The following MAPK7 variants were observed in gnomAD, a reference collection of about 807,000 sequenced individuals.
MAPK7 encodes BMK-1.
MAPK7 carries 30 observed loss-of-function variants against 56.9 expected under a neutral mutation model. The ratio of observed to expected loss-of-function variants is 0.53; its 90% CI spans 0.39 to 0.72. MAPK7 has a LOEUF of 0.72. Ranked by LOEUF, MAPK7 falls within the 30% of genes least tolerant of loss-of-function variation. The pLI is 0.00. For synonymous variants in MAPK7, 516 were observed against 449.3 expected (o/e 1.15, Z -1.88); for missense variants, 952 against 1,110.8 (o/e 0.86, Z 2.03).
upstream of MAPK7, chr17:19,378,408 A>T: frequency 1.0e-6 from 1 of 994,250 alleles, no homozygotes; most frequent in Non-Finnish European, 1.2e-6. This position sits in a 1 kb window ranked among gnomAD's most constrained non-coding sequence, Gnocchi z 5.4. Flanking sequence ...AGTAGGTAGA[A>T]GGGGCAGGAC....
upstream of MAPK7, chr17:19,377,776 G>A (rs1912219745): frequency 3.1e-6 from 3 of 958,678 alleles, no homozygotes; most frequent in Non-Finnish European, 3.7e-6. Context: ...GAGGAGCAGA[G>A]GTTGGGCGGC....
upstream of MAPK7, chr17:19,377,975 G>A: frequency 1.0e-6 from 1 of 985,436 alleles, no homozygotes; most frequent in African/African-American, 1.7e-5. Flanking sequence ...GGAGGACCGG[G>A]ATCTCTGTGG....
At chr17:19,378,249 T>C (rs1912268236), upstream of MAPK7, 1 of 985,758 alleles carries the variant, frequency 1.0e-6, no homozygotes, top group Middle Eastern at 5.2e-4. This position sits in a 1 kb window ranked among gnomAD's most constrained non-coding sequence, Gnocchi z 5.4. Context: ...GGCGCCCGAC[T>C]GCCAGTGCGC....
At chr17:19,378,185 G>C (rs939243953), upstream of MAPK7, 72 of 983,810 alleles carry the variant, frequency 7.3e-5, no homozygotes, top group African/African-American at 1.2e-3. This position sits in a 1 kb window ranked among gnomAD's most constrained non-coding sequence, Gnocchi z 5.4. Context: ...ATGAGGTTGA[G>C]AGCTTCATGG....
At position 19,382,410 on chromosome 17, in the gene MAPK7, T is replaced by G; in HGVS notation, c.2107T>G (p.Ser703Ala). The change falls in exon 5 of 7, where the codon TCC becomes GCC. Residue 703 changes from serine (S) to alanine (A), a missense_variant. Ser to Ala is a moderately conservative substitution (Grantham distance 99). This residue lies in a region of MAPK7 where 234 missense variants were observed against 210.4 expected (regional missense o/e 1.11). Coordinates refer to ENST00000395604, the MANE Select transcript of MAPK7 (RefSeq NM_002749.4). Reference sequence around the variant, plus strand: ...AGACGCCGGGGGAGCCCCTCAGTCTTCCATGTCAGAGTCACCTGATGTCAA... The same window carrying G: ...AGACGCCGGGGGAGCCCCTCAGTCTGCCATGTCAGAGTCACCTGATGTCAA... ...PPDAGGAPQS[S>A]MSESPDVNLV... The G allele has an allele frequency of 6.2e-7, 1 of 1,612,180 alleles. No homozygotes were observed.
chr17:19,383,399 C>A lies in MAPK7; in HGVS notation c.*168C>A. 1 of 610,332 alleles carries A rather than the reference C, an allele frequency of 1.6e-6. No homozygotes were observed. The highest frequency in any genetic ancestry group is 2.7e-6 in the Non-Finnish European group (1 of 364,276). The allele number at this position is 610,332 out of a possible 1,614,324, so 37.8% of individuals were successfully genotyped here. ...CTTAAGCAGCCACCTGAGCCACCAC[C>A]GAGCCATGGCAGGATCGGGAGACCC... On this transcript the variant is annotated 3_prime_UTR_variant, in exon 7 of 7. Coordinates refer to ENST00000395604, the MANE Select transcript of MAPK7 (RefSeq NM_002749.4).
At position 19,383,352 on chromosome 17, in the gene MAPK7, C is replaced by T. The variant is rs564216717; in HGVS notation, c.*121C>T. The T allele has an allele frequency of 1.8e-6, 2 of 1,110,614 alleles. No homozygotes were observed. Among genetic ancestry groups the T allele is most frequent in the African/African-American group, 3.1e-5 (2 of 64,060 alleles). 68.8% of individuals were successfully genotyped at this position (1,110,614 alleles called of 1,614,324 possible). ...CTCGGCTTGGATTATTCTGCAGGTT[C>T]ATCTCAGACCCACCTTTCAGCCTTA... On this transcript the variant is annotated 3_prime_UTR_variant, in exon 7 of 7. Transcript: ENST00000395604.
chr17:19,379,615 A>T (rs1414062534), intron 2 of MAPK7, 167 bp from the exon 3 acceptor site: 3 of 628,320 alleles, frequency 4.8e-6, no homozygotes, highest in South Asian at 3.9e-5. Context: ...GGTAACATTT[A>T]ATAATGTAGG....
In MAPK7 at chr17:19,380,761, G is replaced by A; in HGVS notation, c.552G>A (p.Lys184=). 6.2e-7 allele frequency: 1 copy of A among 1,614,144 alleles called. No homozygotes were observed. The highest frequency in any genetic ancestry group is 1.1e-5 in the South Asian group (1 of 91,072). ...HSAQVIHRDL[K]PSNLLVNENC... is the part of the protein sequence containing the mutation. ...CTCAGGTCATCCACCGTGACCTGAA[G>A]CCCTCCAACCTATTGGTGAATGAGA... Residue 184 remains lysine (K), a synonymous_variant, in exon 4 of 7, where the codon AAG becomes AAA. Coordinates refer to ENST00000395604, the MANE Select transcript of MAPK7 (RefSeq NM_002749.4).
Position 19,381,306 on chromosome 17 carries a change from C to A in MAPK7, c.1097C>A (p.Ala366Asp). The change falls in exon 4 of 7, where the codon GCC becomes GAC. Residue 366 changes from alanine to aspartate, a missense_variant. Transcript: ENST00000395604. The surrounding 1 kb of genome is among the most constrained non-coding windows in gnomAD (Gnocchi z 4.6). ...GACTGTGCCCCGCCCTTTGACTTTGCCTTTGACCGCGAAGCCCTCACTCGG... is the reference window on the plus strand; with the variant it reads ...GACTGTGCCCCGCCCTTTGACTTTGACTTTGACCGCGAAGCCCTCACTCGG... ...EPDCAPPFDF[A>D]FDREALTRER... 4 of 1,614,080 alleles carry A rather than the reference C, an allele frequency of 2.5e-6. No individual in the cohort carries two copies. Among genetic ancestry groups the A allele is most frequent in the Non-Finnish European group, 3.4e-6 (4 of 1,180,042 alleles).
Position 19,378,952 on chromosome 17 carries a change from C to A in MAPK7, c.52C>A (p.Pro18Thr). ...EDGEDGSAEP[P>T]GPVKAEPAHT... ...CGGCGAGGACGGCTCTGCGGAGCCC[C>A]CCGGGCCCGTGAAGGCCGAACCCGC... The change falls in exon 2 of 7, where the codon CCC becomes ACC. Residue 18 changes from proline to threonine, a missense_variant. Around this residue, in one of 5 missense-constraint regions of MAPK7, gnomAD observed 213 missense variants for 243.2 expected, o/e 0.88. Coordinates refer to ENST00000395604, the MANE Select transcript of MAPK7 (RefSeq NM_002749.4). This position sits in a 1 kb window ranked among gnomAD's most constrained non-coding sequence, Gnocchi z 5.4. 1 of 1,600,102 alleles carries A rather than the reference C, an allele frequency of 6.2e-7. No individual in the cohort carries two copies. The highest frequency in any genetic ancestry group is 1.3e-5 in the African/African-American group (1 of 74,842).
At position 19,382,573 on chromosome 17, in the gene MAPK7, A is replaced by G; in HGVS notation, c.2163+107A>G. The G allele has an allele frequency of 2.7e-6, 4 of 1,502,776 alleles. No individual in the cohort carries two copies. The Admixed American group carries it at 9.0e-5, about 34-fold the overall frequency. 93.1% of individuals were successfully genotyped at this position (1,502,776 alleles called of 1,614,324 possible). A position where few individuals can be genotyped will look rare whatever the true frequency, so the allele number is the denominator to read the frequency against. On this transcript the variant is annotated intron_variant, in intron 5 of 6. Coordinates refer to ENST00000395604, the MANE Select transcript of MAPK7 (RefSeq NM_002749.4). The stretch of plus-strand genomic sequence containing the variant: ...AAAACTGAGCAGCAGATGGGGCTTT[A>G]TCTCTGAACGTGTCCTCTTGCTCAC...
Position 19,382,377 on chromosome 17 carries a change from C to T in MAPK7, c.2074C>T (p.Pro692Ser), listed in dbSNP as rs1445761606. 1.9e-6 allele frequency: 3 copies of T among 1,613,458 alleles called. No individual in the cohort carries two copies. Among genetic ancestry groups the T allele is most frequent in the East Asian group, 2.2e-5 (1 of 44,886 alleles). ...GVLPYFPPGL[P>S]PPDAGGAPQS... ...TTTGCCTTACTTCCCACCTGGCCTG[C>T]CGCCCCCAGACGCCGGGGGAGCCCC... Residue 692 changes from proline (P) to serine (S), a missense_variant, in exon 5 of 7, where the codon CCG (proline) becomes TCG (serine). Around this residue, in one of 5 missense-constraint regions of MAPK7, gnomAD observed 234 missense variants for 210.4 expected, o/e 1.11. Coordinates refer to ENST00000395604, the MANE Select transcript of MAPK7 (RefSeq NM_002749.4).
intron 3 of MAPK7, 126 bp downstream of exon 3, chr17:19,380,073 T>C: frequency 9.7e-7 from 1 of 1,032,336 alleles, no homozygotes; most frequent in Non-Finnish European, 1.4e-6. Context: ...CCCGCAGTTC[T>C]AGGACCAGTT....
Position 19,380,615 on chromosome 17 carries a change from G to T in MAPK7, c.406G>T (p.Val136Phe), listed in dbSNP as rs1912567491. 6.2e-7 allele frequency: 1 copy of T among 1,600,060 alleles called. No homozygotes were observed. Among genetic ancestry groups the T allele is most frequent in the Non-Finnish European group, 8.5e-7 (1 of 1,170,096 alleles). ...CCTTCCTTCCCCTTCCAGCTACGTG[G>T]TCCTGGACCTGATGGAAAGCGACCT... is the stretch of plus-strand genomic sequence containing the variant. ...PYGEFKSVYV[V>F]LDLMESDLHQ... is the part of the protein sequence containing the mutation. Residue 136 changes from valine to phenylalanine, a missense_variant, in exon 4 of 7, where the codon GTC (valine) becomes TTC (phenylalanine). This residue lies in a region of MAPK7 where 213 missense variants were observed against 243.2 expected (regional missense o/e 0.88). Coordinates refer to ENST00000395604, the MANE Select transcript of MAPK7 (RefSeq NM_002749.4).
At chr17:19,379,703 G>C in intron 2 of MAPK7, 79 bp from the exon 3 acceptor site, 2 of 1,310,910 alleles carry the variant, frequency 1.5e-6, no homozygotes, top group Non-Finnish European at 2.1e-6. Context: ...TCCTAGAAGG[G>C]AGGTGTTGAT....
In MAPK7 at chr17:19,382,204, C is replaced by T. The variant is rs1183830169; in HGVS notation, c.1901C>T (p.Pro634Leu). ...TSGPVPQPAC[P>L]PPGPAPHPTG... ...GGCCCTGTACCCCAGCCTGCCTGCCCACCCCCTGGCCCTGCACCCCACCCC... is the reference window on the plus strand; with the variant it reads ...GGCCCTGTACCCCAGCCTGCCTGCCTACCCCCTGGCCCTGCACCCCACCCC... Residue 634 changes from proline (P) to leucine (L), a missense_variant, in exon 5 of 7, where the codon CCA becomes CTA. Pro to Leu is a moderately conservative substitution (Grantham distance 98). Transcript: ENST00000395604. 6 of 1,611,796 alleles carry T rather than the reference C, an allele frequency of 3.7e-6. No homozygotes were observed. Among genetic ancestry groups the T allele is most frequent in the African/African-American group, 2.7e-5 (2 of 74,876 alleles).
Position 19,378,606 on chromosome 17 carries a change from C to T in MAPK7, c.-30C>T. 1 of 1,281,648 alleles carries T rather than the reference C, an allele frequency of 7.8e-7. No homozygotes were observed. The highest frequency in any genetic ancestry group is 9.9e-7 in the Non-Finnish European group (1 of 1,011,350). 79.4% of individuals were successfully genotyped at this position (1,281,648 alleles called of 1,614,324 possible). On this transcript the variant is annotated 5_prime_UTR_variant, in exon 1 of 7. Transcript: ENST00000395604. This position sits in a 1 kb window ranked among gnomAD's most constrained non-coding sequence, Gnocchi z 5.4. ...GGGAGGCCGGCGAGCCTCGGGACCT[C>T]TGAAAGCCTTGAGGAGGCGCGGGGG...
rs1388134188 is a variant in MAPK7, at chr17:19,379,798, C to T, written c.249C>T (p.Ile83=). 6.2e-7 allele frequency: 1 copy of T among 1,613,990 alleles called. No individual in the cohort carries two copies. Among genetic ancestry groups the T allele is most frequent in the Non-Finnish European group, 8.5e-7 (1 of 1,180,010 alleles). ...GCTCCTCAGGCCAGCAGGTGGCCAT[C>T]AAGAAGATCCCTAATGCTTTCGATG... ...RRRLTGQQVA[I]KKIPNAFDVV... is the part of the protein sequence containing the mutation. Residue 83 remains isoleucine, a synonymous_variant, in exon 3 of 7, where the codon ATC becomes ATT. Transcript: ENST00000395604.
Sources: gnomAD v4.1 joint callset for allele counts on GRCh38, gnomAD v4.1.1 for gene constraint, gnomAD v4.1.1 regional missense constraint, Gnocchi (gnomAD v3.1) non-coding constraint, MANE v1.5 for transcripts, NCBI Gene and HGNC (gene_info 2026-07-23, HGNC 2026-07-21) for gene names.